The following ANGPT1 variants were observed in gnomAD, a reference collection of about 807,000 sequenced individuals.
The protein encoded by ANGPT1 is angiopoietin-1.
In ANGPT1, 17 loss-of-function variants were observed where a neutral mutation model predicts 62.2. The ratio of observed to expected loss-of-function variants is 0.27; its 90% CI spans 0.19 to 0.41. The LOEUF is 0.41. ANGPT1 is among the 10% of genes least tolerant of loss of function. ANGPT1 has a pLI of 1.00. For missense variants in ANGPT1, 478 were observed against 594.9 expected, an observed-to-expected ratio of 0.80 and a Z score of 2.04; for synonymous variants, 199 against 198.9, an observed-to-expected ratio of 1.00 and a Z score of 0.00.
Position 107,448,215 on chromosome 8 carries a change from A to T in ANGPT1, c.297+49047T>A, listed in dbSNP as rs531235219. ...AGGACTTACTTAAATACATTTTATC[A>T]TTTCAGTGATTCTTAACTAAATTGT... On this transcript the variant is annotated intron_variant, in intron 1 of 8. Coordinates refer to ENST00000517746, the MANE Select transcript of ANGPT1 (RefSeq NM_001146.5). Among the ~76,000 whole-genome samples the T allele has an allele frequency of 3.3e-5, 5 of 152,312 alleles. No individual in the cohort carries two copies. In the East Asian group the frequency reaches 9.6e-4, roughly 29 times the overall value.
At chr8:107,303,402 A>C in intron 4 of ANGPT1, 35 bp from the exon 5 acceptor site, 1 of 1,556,470 alleles carries the variant, frequency 6.4e-7, no homozygotes. Flanking sequence ...CAATATGTGA[A>C]TATCAGTACC....
chr8:107,301,925 A>T (rs1814599016), intron 5 of ANGPT1, among the ~76,000 whole-genome samples: 1 of 151,986 alleles, frequency 6.6e-6, no homozygotes, highest in Admixed American at 6.6e-5. Flanking sequence ...CTGGGTTGCC[A>T]ATTAAGTGGC....
At chr8:107,334,469 A>T (rs1815513566) in intron 3 of ANGPT1, among the ~76,000 whole-genome samples, 1 of 152,196 alleles carries the variant, frequency 6.6e-6, no homozygotes, top group Admixed American at 6.5e-5. Flanking sequence ...ATTTATATAT[A>T]AAATGCAGCA....
rs529936074 is a variant in ANGPT1 at position 107,312,230 on chromosome 8, T to C, written c.809-8863A>G. On this transcript the variant is annotated intron_variant, in intron 4 of 8. Coordinates refer to ENST00000517746, the MANE Select transcript of ANGPT1 (RefSeq NM_001146.5). ...GGCAGTTACGAATGCTGCACGGCCC[T>C]TGCCATTTGTTCAGGAGCTCATTTT... Among the ~76,000 whole-genome samples, 10 of 152,370 alleles carry C rather than the reference T, an allele frequency of 6.6e-5. No homozygotes were observed. The South Asian group carries it at 2.1e-3, about 32-fold the overall frequency.
chr8:107,489,209 T>C (rs1812893772), intron 1 of ANGPT1, among the ~76,000 whole-genome samples: 2 of 152,190 alleles, frequency 1.3e-5, no homozygotes, highest in South Asian at 4.1e-4. Context: ...TATAGGTACA[T>C]ATTACTAGTG....
intron 1 of ANGPT1, among the ~76,000 whole-genome samples, chr8:107,428,231 G>A (rs1811087078): frequency 6.6e-6 from 1 of 152,070 alleles, no homozygotes; most frequent in South Asian, 2.1e-4. Context: ...CACCTTTTAT[G>A]TTTCCATCTA....
intron 1 of ANGPT1, among the ~76,000 whole-genome samples, chr8:107,444,698 A>G (rs1360698937): frequency 1.3e-5 from 2 of 152,202 alleles, no homozygotes; most frequent in African/African-American, 4.8e-5. Flanking sequence ...GGGACTATCT[A>G]CAGGTTCAGG....
At chr8:107,352,723 G>C (rs1281266082) in intron 1 of ANGPT1, among the ~76,000 whole-genome samples, 2 of 151,986 alleles carry the variant, frequency 1.3e-5, no homozygotes, top group Non-Finnish European at 2.9e-5. Context: ...ATTGACAAAG[G>C]CATTGTTCAC....
chr8:107,418,857 C>T (rs1810821206), intron 1 of ANGPT1, among the ~76,000 whole-genome samples: 1 of 152,120 alleles, frequency 6.6e-6, no homozygotes, highest in African/African-American at 2.4e-5. Flanking sequence ...TGTTTCTATT[C>T]AAAGTTGCAA....
chr8:107,312,942 G>A (rs1049578586), intron 4 of ANGPT1, among the ~76,000 whole-genome samples: 2 of 152,126 alleles, frequency 1.3e-5, no homozygotes, highest in South Asian at 2.1e-4. Flanking sequence ...GCTCTAGAGA[G>A]ATAGGTTGGA....
At chr8:107,357,672 A>G (rs1360057840) in intron 1 of ANGPT1, among the ~76,000 whole-genome samples, 1 of 152,188 alleles carries the variant, frequency 6.6e-6, no homozygotes, top group Non-Finnish European at 1.5e-5. Context: ...TTTAAAAGAA[A>G]TCTTCTGCAT....
intron 4 of ANGPT1, among the ~76,000 whole-genome samples, chr8:107,320,739 A>C (rs1815130486): frequency 6.6e-6 from 1 of 152,166 alleles, no homozygotes; most frequent in South Asian, 2.1e-4. Flanking sequence ...TCTAAAGGAG[A>C]TATAACTCGA....
intron 1 of ANGPT1, among the ~76,000 whole-genome samples, chr8:107,449,915 C>T (rs1341025074): frequency 6.6e-6 from 1 of 152,072 alleles, no homozygotes; most frequent in African/African-American, 2.4e-5. Flanking sequence ...CTTGCCTTCT[C>T]TCAATTTGTT....
intron 1 of ANGPT1, among the ~76,000 whole-genome samples, chr8:107,454,357 G>A (rs1811860165): frequency 6.6e-6 from 1 of 151,992 alleles, no homozygotes; most frequent in African/African-American, 2.4e-5. Flanking sequence ...TGCTGCTATT[G>A]GACAAGACTG....
chr8:107,464,141 A>G (rs573376641), intron 1 of ANGPT1, among the ~76,000 whole-genome samples: 1 of 152,270 alleles, frequency 6.6e-6, no homozygotes, highest in African/African-American at 2.4e-5. Context: ...GAGACATTGG[A>G]TAATCTCTTC....
At chr8:107,417,976 T>C (rs1285011706) in intron 1 of ANGPT1, among the ~76,000 whole-genome samples, 3 of 152,196 alleles carry the variant, frequency 2.0e-5, no homozygotes, top group Admixed American at 2.0e-4. Context: ...TTGTTCTGTC[T>C]CTGCAAATTG....
rs138595311 is a variant in ANGPT1 at position 107,478,500 on chromosome 8, G to A, written c.297+18762C>T. Among the ~76,000 whole-genome samples the A allele has an allele frequency of 3.2e-3, 489 of 152,250 alleles. 2 individuals are homozygous for A. The highest frequency in any genetic ancestry group is 0.017 in the Middle Eastern group (5 of 294). ...GGAGGCAGAGGTTGCAGTAAACTGA[G>A]ATCGCACGGCTGCACTCCAGTCTGG... On this transcript the variant is annotated intron_variant, in intron 1 of 8. Coordinates refer to ENST00000517746, the MANE Select transcript of ANGPT1 (RefSeq NM_001146.5).
At chr8:107,375,136 G>A (rs1816503738) in intron 1 of ANGPT1, among the ~76,000 whole-genome samples, 1 of 150,074 alleles carries the variant, frequency 6.7e-6, no homozygotes, top group African/African-American at 2.5e-5. Context: ...CTCCAGCCTG[G>A]TGACAGAGTG....
At chr8:107,478,260 A>G (rs1812587077) in intron 1 of ANGPT1, among the ~76,000 whole-genome samples, 1 of 151,702 alleles carries the variant, frequency 6.6e-6, no homozygotes, top group Non-Finnish European at 1.5e-5. Flanking sequence ...CAAAAAAAAA[A>G]AAAATCTGCC....
Sources: gnomAD v4.1 joint callset for allele counts (sites outside exome capture counted in the v4.1 genomes callset) on GRCh38, gnomAD v4.1.1 for gene constraint, MANE v1.5 for transcripts, NCBI Gene and HGNC (gene_info 2026-07-23, HGNC 2026-07-21) for gene names.